The following DLGAP1 variants were observed in gnomAD, a reference collection of about 807,000 sequenced individuals.
The protein encoded by DLGAP1 is disks large-associated protein 1.
Under a neutral mutation model 90.8 loss-of-function variants are expected in DLGAP1, and 11 were observed. The ratio of observed to expected loss-of-function variants is 0.12; its 90% CI spans 0.08 to 0.20. The LOEUF (loss-of-function observed/expected upper bound fraction) is 0.20, where lower values mean the gene tolerates loss of function less well. Ranked by LOEUF, DLGAP1 falls within the 10% of genes least tolerant of loss-of-function variation. DLGAP1 has a pLI of 1.00. For synonymous variants in DLGAP1, 558 were observed against 540.7 expected (o/e 1.03, Z -0.44); for missense variants, 1,050 against 1,333.8 (o/e 0.79, Z 3.31).
chr18:4,156,726 C>A (rs183090506), intron 1 of DLGAP1, among the ~76,000 whole-genome samples: 1 of 152,056 alleles, frequency 6.6e-6, no homozygotes. Flanking sequence ...CTAAAAAAAC[C>A]CTAAACTTAT....
intron 1 of DLGAP1, among the ~76,000 whole-genome samples, chr18:4,408,058 C>T (rs2082701734): frequency 6.6e-6 from 1 of 151,780 alleles, no homozygotes; most frequent in Non-Finnish European, 1.5e-5. Flanking sequence ...AAGTTTGGGC[C>T]TTAAAGTATT....
chr18:4,445,406 C>T (rs1188518192), intron 1 of DLGAP1, among the ~76,000 whole-genome samples: 1 of 151,138 alleles, frequency 6.6e-6, no homozygotes, highest in African/African-American at 2.4e-5. Flanking sequence ...ACTAACTCGT[C>T]ATCTAGCATT....
At chr18:4,301,054 A>T (rs557784660) in intron 1 of DLGAP1, among the ~76,000 whole-genome samples, 1 of 152,320 alleles carries the variant, frequency 6.6e-6, no homozygotes, top group East Asian at 1.9e-4. Flanking sequence ...ATTATGGTAT[A>T]TGAATACAAT....
In DLGAP1 at chr18:3,508,680, C is replaced by T. The variant is rs1051987274; in HGVS notation, c.2480-19G>A. On this transcript the variant is annotated intron_variant, in intron 10 of 12. Coordinates refer to ENST00000315677, the MANE Select transcript of DLGAP1 (RefSeq NM_004746.4). ...CCTAGAACTGGAAAGAGCAAACATA[C>T]GAGAAATTTACACATCATGCTTCAT... 1.4e-5 allele frequency: 23 copies of T among 1,594,096 alleles called. No homozygotes were observed. Among genetic ancestry groups the T allele is most frequent in the Non-Finnish European group, 1.9e-5 (22 of 1,163,678 alleles).
Position 4,112,456 on chromosome 18 carries a change from T to G in DLGAP1, c.-159+38724A>C, listed in dbSNP as rs368401226. On this transcript the variant is annotated intron_variant, in intron 2 of 12. Transcript: ENST00000315677. Reference sequence around the variant, plus strand: ...TGTTAGTTTATACTGTTCGAGTTTTTGATTTCCTTGTTTATCTACTGTCTA... The same window carrying G: ...TGTTAGTTTATACTGTTCGAGTTTTGGATTTCCTTGTTTATCTACTGTCTA... 1.5e-3 allele frequency among the ~76,000 whole-genome samples: 231 copies of G among 152,278 alleles called. 10 individuals carry two copies. In the South Asian group the frequency reaches 0.047, roughly 31 times the overall value.
At chr18:4,201,455 T>A (rs533480528) in intron 1 of DLGAP1, among the ~76,000 whole-genome samples, 5 of 152,230 alleles carry the variant, frequency 3.3e-5, no homozygotes, top group Non-Finnish European at 7.4e-5. Context: ...TATTTCTGGG[T>A]TCTCTATTCT....
chr18:4,046,313 A>G (rs1483013911), intron 2 of DLGAP1, among the ~76,000 whole-genome samples: 1 of 152,362 alleles, frequency 6.6e-6, no homozygotes, highest in African/African-American at 2.4e-5. Context: ...CAATAATAGC[A>G]ATATTTACCT....
At chr18:4,101,803 T>C (rs2075782385) in intron 2 of DLGAP1, among the ~76,000 whole-genome samples, 1 of 151,890 alleles carries the variant, frequency 6.6e-6, no homozygotes, top group Non-Finnish European at 1.5e-5. Context: ...ATATATAATA[T>C]ACATGAATAT....
chr18:4,254,260 G>T (rs1175090902), intron 1 of DLGAP1, among the ~76,000 whole-genome samples: 1 of 152,158 alleles, frequency 6.6e-6, no homozygotes, highest in African/African-American at 2.4e-5. Context: ...AGCTGCTTCT[G>T]TTGATGATCC....
chr18:4,438,105 G>A (rs930308931), intron 1 of DLGAP1, among the ~76,000 whole-genome samples: 2 of 152,236 alleles, frequency 1.3e-5, no homozygotes, highest in East Asian at 3.9e-4. Flanking sequence ...CCTCCACAGA[G>A]CTTTGGAAGA....
intron 3 of DLGAP1, among the ~76,000 whole-genome samples, chr18:3,994,849 C>T (rs1165246406): frequency 6.6e-6 from 1 of 152,162 alleles, no homozygotes; most frequent in East Asian, 1.9e-4. Context: ...ATTTGGAGCA[C>T]AGCTCTTTAA....
At chr18:4,140,399 A>G (rs1043779236) in intron 2 of DLGAP1, among the ~76,000 whole-genome samples, 1 of 151,942 alleles carries the variant, frequency 6.6e-6, no homozygotes, top group South Asian at 2.1e-4. Flanking sequence ...AAGCAAAGAG[A>G]AAATGAATAA....
chr18:4,424,431 A>G (rs1431582185), intron 1 of DLGAP1, among the ~76,000 whole-genome samples: 2 of 152,168 alleles, frequency 1.3e-5, no homozygotes, highest in Non-Finnish European at 2.9e-5. Context: ...TGATTTTTAC[A>G]CCATCCTCCT....
At chr18:3,532,297 A>C (rs1167457455) in intron 10 of DLGAP1, among the ~76,000 whole-genome samples, 1 of 151,992 alleles carries the variant, frequency 6.6e-6, no homozygotes, top group East Asian at 1.9e-4. Flanking sequence ...TGTTCATAAT[A>C]GGCCGGGCAC....
rs544349786 is a variant in DLGAP1 at position 4,167,001 on chromosome 18, TTAA to T, written c.-266-15717_-266-15715del. ...TACTTCATACCAGTGAATTGTACAC[TTAA>T]TGATGGTTAAAATGATAAACCTTAC... On this transcript the variant is annotated intron_variant, in intron 1 of 12. Transcript: ENST00000315677. Among the ~76,000 whole-genome samples the T allele has an allele frequency of 1.1e-4, 17 of 152,308 alleles. No homozygotes were observed. In the East Asian group the frequency reaches 3.3e-3, roughly 29 times the overall value.
intron 1 of DLGAP1, among the ~76,000 whole-genome samples, chr18:4,161,562 C>T (rs2076846122): frequency 6.6e-6 from 1 of 152,010 alleles, no homozygotes; most frequent in African/African-American, 2.4e-5. Context: ...ATAAGTTTTC[C>T]CTGTTCTTAT....
At chr18:4,380,420 A>G (rs979972756) in intron 1 of DLGAP1, among the ~76,000 whole-genome samples, 16 of 152,114 alleles carry the variant, frequency 1.1e-4, no homozygotes. Flanking sequence ...ATAAAAATGG[A>G]GGGTAAAGAC....
intron 1 of DLGAP1, among the ~76,000 whole-genome samples, chr18:4,299,014 C>T (rs571127231): frequency 6.8e-6 from 1 of 146,580 alleles, no homozygotes; most frequent in African/African-American, 2.5e-5. Flanking sequence ...CCGGGAGGCA[C>T]AGCTTGCGGT....
chr18:4,306,737 G>A (rs2080273848), intron 1 of DLGAP1, among the ~76,000 whole-genome samples: 1 of 152,254 alleles, frequency 6.6e-6, no homozygotes, highest in Middle Eastern at 3.4e-3. Flanking sequence ...GCCTCTTTGA[G>A]GGATGTGGTG....
Sources: allele counts gnomAD v4.1 joint callset (sites outside exome capture counted in the v4.1 genomes callset), GRCh38; gene constraint gnomAD v4.1.1; transcripts MANE v1.5; gene names NCBI Gene and HGNC (gene_info 2026-07-23, HGNC 2026-07-21).